Variants in HIVEP3 observed in about 807,000 individuals in gnomAD.
HIVEP3 encodes the protein HIVEP zinc finger 3, also known as transcription factor HIVEP3.
HIVEP3 carries 49 observed loss-of-function variants against 152.8 expected under a neutral mutation model. The observed-to-expected ratio is 0.32, with a 90% CI of 0.26 to 0.41. HIVEP3 has a LOEUF of 0.41. Among genes scored for constraint, HIVEP3 ranks in the 10% least tolerant of loss-of-function variants. HIVEP3 has a pLI of 1.00. For missense variants in HIVEP3, 2,790 were observed against 3,103.3 expected (o/e 0.90, Z 2.40); for synonymous variants, 1,269 against 1,289.0 (o/e 0.98, Z 0.33).
chr1:41,616,192 G>A (rs534019025), intron 3 of HIVEP3, among the ~76,000 whole-genome samples: 19 of 152,170 alleles, frequency 1.2e-4, no homozygotes, highest in African/African-American at 4.6e-4. Flanking sequence ...GTCATGGTTG[G>A]CATGGCTCAT....
chr1:41,580,958 C>T lies in HIVEP3; in HGVS notation c.3840G>A (p.Glu1280=). Residue 1280 remains glutamate (E), a synonymous_variant, in exon 4 of 9, where the codon GAG becomes GAA. Transcript: ENST00000372583. The stretch of plus-strand genomic sequence containing the variant: ...GGGGTAGCCGGATGTCACTGCTGTA[C>T]TCTGTGCTGGGGGAGAGGCCAGCAC... The part of the protein sequence containing the change: ...TGSAGLSPST[E]YSSDIRLPPV... 1 of 1,609,528 alleles carries T rather than the reference C, an allele frequency of 6.2e-7. No individual in the cohort carries two copies. The highest frequency in any genetic ancestry group is 8.5e-7 in the Non-Finnish European group (1 of 1,177,884).
intron 3 of HIVEP3, among the ~76,000 whole-genome samples, chr1:41,620,404 G>T (rs535281121): frequency 6.6e-6 from 1 of 152,162 alleles, no homozygotes; most frequent in Non-Finnish European, 1.5e-5. Context: ...TAGGTGATTT[G>T]GCTGTTCAAA....
chr1:41,714,747 A>T (rs1204732767), intron 1 of HIVEP3, among the ~76,000 whole-genome samples: 2 of 152,246 alleles, frequency 1.3e-5, no homozygotes, highest in African/African-American at 4.8e-5. Flanking sequence ...TTGTTGCTGA[A>T]GCTGAAAAAA....
chr1:41,731,609 G>A (rs183445636), intron 1 of HIVEP3, among the ~76,000 whole-genome samples: 1 of 152,332 alleles, frequency 6.6e-6, no homozygotes, highest in East Asian at 1.9e-4. Flanking sequence ...AGTTGCTGGA[G>A]GAAGCCATCT....
intron 2 of HIVEP3, among the ~76,000 whole-genome samples, chr1:41,657,914 C>T (rs1645653853): frequency 6.6e-6 from 1 of 152,218 alleles, no homozygotes; most frequent in African/African-American, 2.4e-5. Context: ...CCTGGGCCTC[C>T]TGCTGGCTGG....
chr1:41,801,692 C>T (rs571162177), intron 1 of HIVEP3, among the ~76,000 whole-genome samples: 211 of 151,636 alleles, frequency 1.4e-3, no homozygotes, highest in Non-Finnish European at 2.3e-3. Flanking sequence ...TGCAGTGAGC[C>T]GAGATCTCGC....
intron 1 of HIVEP3, among the ~76,000 whole-genome samples, chr1:41,858,636 C>A (rs1643835418): frequency 6.6e-6 from 1 of 152,184 alleles, no homozygotes; most frequent in Non-Finnish European, 1.5e-5. Flanking sequence ...AGTGGGTGAA[C>A]CACATGGACA....
chr1:41,549,297 A>G lies in HIVEP3; in HGVS notation c.5208-24387T>C, dbSNP rs529167648. ...ATTGATGGGCATTTGAGTTGGTTCC[A>G]AGTCTTTGCTATTGTGAATAATGCC... On this transcript the variant is annotated intron_variant, in intron 5 of 8. Transcript: ENST00000372583. 2.6e-5 allele frequency among the ~76,000 whole-genome samples: 4 copies of G among 152,286 alleles called. No homozygotes were observed. In the South Asian group the frequency reaches 8.3e-4, roughly 32 times the overall value.
chr1:41,823,777 C>T (rs564550608), intron 1 of HIVEP3, among the ~76,000 whole-genome samples: 2 of 152,198 alleles, frequency 1.3e-5, no homozygotes, highest in South Asian at 2.1e-4. Context: ...GGGAGACAGC[C>T]GCTTTTGTCC....
intron 1 of HIVEP3, among the ~76,000 whole-genome samples, chr1:41,745,243 C>A (rs1162770502): frequency 1.3e-5 from 2 of 152,184 alleles, no homozygotes; most frequent in Non-Finnish European, 2.9e-5. Context: ...AGGTGGAGCA[C>A]AGGAGGTCAC....
At position 41,577,540 on chromosome 1, in the gene HIVEP3, C is replaced by T. The variant is rs569462917; in HGVS notation, c.5062-1851G>A. 2.6e-5 allele frequency among the ~76,000 whole-genome samples: 4 copies of T among 152,264 alleles called. No individual in the cohort carries two copies. In the East Asian group the frequency reaches 7.7e-4, roughly 29 times the overall value. On this transcript the variant is annotated intron_variant, in intron 4 of 8. Coordinates refer to ENST00000372583, the MANE Select transcript of HIVEP3 (RefSeq NM_024503.5). ...GGAAAGAATGTGGCTACAAAGTGGA[C>T]TCTGAACAAGCTGGGGTTTCTCCAG...
intron 5 of HIVEP3, among the ~76,000 whole-genome samples, chr1:41,538,043 G>A (rs1188597031): frequency 2.6e-5 from 4 of 152,204 alleles, no homozygotes; most frequent in Admixed American, 6.5e-5. Context: ...TTAAAAGATC[G>A]TAAAGCAAAG....
At chr1:41,813,854 C>T (rs1388904616) in intron 1 of HIVEP3, among the ~76,000 whole-genome samples, 1 of 152,204 alleles carries the variant, frequency 6.6e-6, no homozygotes, top group Non-Finnish European at 1.5e-5. Flanking sequence ...ACAGACCAGA[C>T]CAGCACAGCC....
chr1:41,987,225 A>G (rs1645328959), intron 1 of HIVEP3, among the ~76,000 whole-genome samples: 1 of 152,194 alleles, frequency 6.6e-6, no homozygotes, highest in African/African-American at 2.4e-5. Flanking sequence ...TACTACCCAA[A>G]GTAATCCACA....
intron 2 of HIVEP3, among the ~76,000 whole-genome samples, chr1:41,699,508 T>C (rs1036314624): frequency 1.3e-5 from 2 of 152,206 alleles, no homozygotes; most frequent in South Asian, 2.1e-4. Context: ...GGGAACAGCA[T>C]TGAATCCTTA....
upstream of HIVEP3, among the ~76,000 whole-genome samples, chr1:41,922,624 AT>A (rs1405422715): frequency 6.6e-6 from 1 of 152,214 alleles, no homozygotes; most frequent in Non-Finnish European, 1.5e-5. Context: ...TAGTTGTAAA[AT>A]TTAATTGTTA....
chr1:41,998,168 A>G (rs1238142194), intron 1 of HIVEP3, among the ~76,000 whole-genome samples: 1 of 152,184 alleles, frequency 6.6e-6, no homozygotes, highest in Non-Finnish European at 1.5e-5. Context: ...GGATAAATAT[A>G]AGATTAATTT....
intron 1 of HIVEP3, among the ~76,000 whole-genome samples, chr1:41,898,664 C>T (rs1229277364): frequency 2.0e-5 from 3 of 152,202 alleles, no homozygotes; most frequent in Admixed American, 6.5e-5. Flanking sequence ...TGAGAATTTA[C>T]GAAGGCACCT....
rs74069932 is a variant in HIVEP3, at chr1:41,565,535, C to G, written c.5207+10009G>C. Among the ~76,000 whole-genome samples the G allele has an allele frequency of 6.9e-3, 664 of 96,826 alleles. 1 individual carries two copies. The highest frequency in any genetic ancestry group is 0.015 in the South Asian group (48 of 3,194). The allele number at this position is 96,826 out of a possible 152,430, so 63.5% of individuals were successfully genotyped here. Reference sequence around the variant, plus strand: ...TTTGATAAAAACTGAAAGACACACACACACACACACACACACACACAGAGA... The same window carrying G: ...TTTGATAAAAACTGAAAGACACACAGACACACACACACACACACACAGAGA... On this transcript the variant is annotated intron_variant, in intron 5 of 8. Transcript: ENST00000372583.
Sources: allele counts gnomAD v4.1 joint callset (sites outside exome capture counted in the v4.1 genomes callset), GRCh38; gene constraint gnomAD v4.1.1; transcripts MANE v1.5; gene names NCBI Gene and HGNC (gene_info 2026-07-23, HGNC 2026-07-21).